The following CWF19L2 variants were observed in gnomAD, a reference collection of about 807,000 sequenced individuals.
CWF19L2 encodes the protein CWF19-like protein 2.
A neutral mutation model predicts 111.7 loss-of-function variants in CWF19L2; 98 were observed. The ratio of observed to expected loss-of-function variants is 0.88; its 90% CI spans 0.75 to 1.04. The LOEUF is 1.04. Ranked by LOEUF, CWF19L2 falls within the 50% of genes least tolerant of loss-of-function variation. The pLI, the probability that CWF19L2 is intolerant of heterozygous loss-of-function variation, is 0.00. For synonymous variants in CWF19L2, 351 were observed against 342.9 expected (o/e 1.02, Z -0.26); for missense variants, 1,101 against 1,051.4 (o/e 1.05, Z -0.65).
At chr11:107,333,911 C>G (rs915337951) in intron 16 of CWF19L2, among the ~76,000 whole-genome samples, 2 of 152,294 alleles carry the variant, frequency 1.3e-5, no homozygotes, top group Middle Eastern at 3.4e-3. Context: ...ATACTTTAGG[C>G]TTCGCAGGTC....
At chr11:107,347,588 C>T (rs993074321) in intron 14 of CWF19L2, among the ~76,000 whole-genome samples, 2 of 152,176 alleles carry the variant, frequency 1.3e-5, no homozygotes, top group African/African-American at 4.8e-5. Flanking sequence ...AACAATTTGG[C>T]TTTTCCTCTC....
At chr11:107,434,125 A>G (rs1434725096) in intron 6 of CWF19L2, among the ~76,000 whole-genome samples, 2 of 151,908 alleles carry the variant, frequency 1.3e-5, no homozygotes, top group African/African-American at 4.8e-5. Flanking sequence ...ACCAGGCTCA[A>G]GAAAATGAGT....
intron 3 of CWF19L2, among the ~76,000 whole-genome samples, chr11:107,453,168 C>T (rs1367624514): frequency 6.6e-6 from 1 of 152,182 alleles, no homozygotes; most frequent in Non-Finnish European, 1.5e-5. Context: ...TGATGCTCTA[C>T]ATCCTTGTTC....
chr11:107,354,076 A>G (rs1279466853), intron 12 of CWF19L2, among the ~76,000 whole-genome samples: 1 of 151,476 alleles, frequency 6.6e-6, no homozygotes, highest in Non-Finnish European at 1.5e-5. Context: ...AAAAATTCAC[A>G]TATACACTAT....
rs79910756 is a variant in CWF19L2, at chr11:107,457,755, C to A, written c.62G>T (p.Arg21Leu). Residue 21 changes from arginine to leucine, a missense_variant, in exon 1 of 18, where the codon CGG becomes CTG. Arg to Leu is a moderately radical substitution (Grantham distance 102). Transcript: ENST00000282251. The stretch of plus-strand genomic sequence containing the variant: ...CCTGGCATTCCGGGTCTGTTCTTTC[C>A]GCTCTTCGATACTCTTCGCACTTTC... ...RFESAKSIEE[R>L]KEQTRNARAE... 6.4e-7 allele frequency: 1 copy of A among 1,551,712 alleles called. No homozygotes were observed. Among genetic ancestry groups the A allele is most frequent in the Non-Finnish European group, 8.7e-7 (1 of 1,146,994 alleles).
chr11:107,329,618 T>C (rs111653426), intron 17 of CWF19L2, among the ~76,000 whole-genome samples: 6 of 152,176 alleles, frequency 3.9e-5, no homozygotes, highest in African/African-American at 1.2e-4. Flanking sequence ...TGTAAGCCCT[T>C]AATAAGTTTT....
At chr11:107,433,912 A>AC (rs1037777599) in intron 6 of CWF19L2, among the ~76,000 whole-genome samples, 163 bp from the exon 7 acceptor site, 2 of 114,366 alleles carry the variant, frequency 1.7e-5, no homozygotes, top group African/African-American at 6.1e-5. Context: ...ATATATATAT[A>AC]TATATATATT....
Position 107,357,085 on chromosome 11 carries a change from G to C in CWF19L2, c.1873-3349C>G, listed in dbSNP as rs571705087. Among the ~76,000 whole-genome samples, 37 of 128,782 alleles carry C rather than the reference G, an allele frequency of 2.9e-4. No homozygotes were observed. In the East Asian group the frequency reaches 8.4e-3, roughly 29 times the overall value. The allele number at this position is 128,782 out of a possible 152,430, so 84.5% of individuals were successfully genotyped here. On this transcript the variant is annotated intron_variant, in intron 12 of 17. Coordinates refer to ENST00000282251, the MANE Select transcript of CWF19L2 (RefSeq NM_152434.3). ...AACAAAAACAAAAACAAAAAACCGA[G>C]ACTAACAGAAACTAAGTAACTTAAC...
At chr11:107,385,563 G>C (rs576155779) in intron 12 of CWF19L2, among the ~76,000 whole-genome samples, 34 of 152,300 alleles carry the variant, frequency 2.2e-4, no homozygotes, top group African/African-American at 8.2e-4. Flanking sequence ...TGCCAAATCA[G>C]CTAATATTAA....
chr11:107,355,993 C>A (rs1482734685), intron 12 of CWF19L2, among the ~76,000 whole-genome samples: 2 of 152,134 alleles, frequency 1.3e-5, no homozygotes, highest in Non-Finnish European at 2.9e-5. Flanking sequence ...TAGCACAAGT[C>A]TCAATAAATT....
intron 8 of CWF19L2, among the ~76,000 whole-genome samples, chr11:107,428,127 G>A (rs1861406416): frequency 6.6e-6 from 1 of 151,956 alleles, no homozygotes; most frequent in Non-Finnish European, 1.5e-5. Context: ...ATCTCCAACA[G>A]GGCCAGCAAA....
chr11:107,411,545 T>TA (rs777121936), intron 10 of CWF19L2, among the ~76,000 whole-genome samples: 7 of 152,182 alleles, frequency 4.6e-5, no homozygotes, highest in Non-Finnish European at 7.4e-5. Context: ...TTTTATAATT[T>TA]AATTAAGCTA....
Position 107,457,773 on chromosome 11 carries a change from G to A in CWF19L2, c.44C>T (p.Ala15Val), listed in dbSNP as rs978741888. Residue 15 changes from alanine to valine, a missense_variant, in exon 1 of 18, where the codon GCG becomes GTG. Ala to Val is a moderately conservative substitution (Grantham distance 64, BLOSUM62 0). Transcript: ENST00000282251. ...TTCTTTCCGCTCTTCGATACTCTTC[G>A]CACTTTCAAATCTACCACTAGCAGC... ...MAAASGRFES[A>V]KSIEERKEQT... 1.7e-5 allele frequency: 27 copies of A among 1,551,670 alleles called. No individual in the cohort carries two copies. The East Asian group carries it at 2.9e-4, about 17-fold the overall frequency.
At chr11:107,371,533 C>A (rs1860510717) in intron 12 of CWF19L2, among the ~76,000 whole-genome samples, 1 of 136,470 alleles carries the variant, frequency 7.3e-6, no homozygotes, top group South Asian at 2.5e-4. Flanking sequence ...TAAAACATTG[C>A]TAGTTTTATT....
At position 107,429,085 on chromosome 11, in the gene CWF19L2, C is replaced by G. The variant is rs188530929; in HGVS notation, c.1147G>C (p.Gly383Arg). The change falls in exon 8 of 18, where the codon GGC becomes CGC. Residue 383 changes from glycine (G) to arginine (R), a missense_variant. Coordinates refer to ENST00000282251, the MANE Select transcript of CWF19L2 (RefSeq NM_152434.3). ...GAACTAAGTGGTTCAAATTTTCTGC[C>G]CTTGCTGTGAAATGACAGTTCTTCA... ...DDEELSFHSKGRKFEPLSSSS... is the reference protein window; with the variant it reads ...DDEELSFHSKRRKFEPLSSSS... The G allele has an allele frequency of 8.7e-6, 14 of 1,613,606 alleles. No individual in the cohort carries two copies. In the Admixed American group the frequency reaches 2.0e-4, roughly 23 times the overall value.
chr11:107,454,451 G>T lies in CWF19L2; in HGVS notation c.338C>A (p.Ser113Ter). 1.4e-6 allele frequency: 2 copies of T among 1,417,720 alleles called. No homozygotes were observed. Among genetic ancestry groups the T allele is most frequent in the South Asian group, 1.7e-5 (1 of 59,280 alleles). 87.8% of individuals were successfully genotyped at this position (1,417,720 alleles called of 1,614,324 possible). Reference sequence around the variant, plus strand: ...TGATTAATTTTAGTACATACTTACTGATGAGCTATCAGATGACTCATTGTT... The same window carrying T: ...TGATTAATTTTAGTACATACTTACTTATGAGCTATCAGATGACTCATTGTT... ...EKNNESSDSSSSSEDEWVEAV... is the reference protein window; with the variant it reads ...EKNNESSDSS The change falls in exon 3 of 18, where the codon TCA (serine) becomes TAA (stop). Residue 113 changes from serine to a stop codon, truncating the protein, a stop_gained and splice_region_variant. Transcript: ENST00000282251. LOFTEE classifies it high-confidence loss of function.
chr11:107,354,672 G>C (rs1290498599), intron 12 of CWF19L2, among the ~76,000 whole-genome samples: 1 of 152,132 alleles, frequency 6.6e-6, no homozygotes, highest in Non-Finnish European at 1.5e-5. Context: ...ATGAAACAAA[G>C]TTTATGTATA....
chr11:107,407,484 A>G (rs1204239843), intron 10 of CWF19L2, among the ~76,000 whole-genome samples: 4 of 152,100 alleles, frequency 2.6e-5, no homozygotes, highest in African/African-American at 7.2e-5. Flanking sequence ...ACTGAACAGT[A>G]TAAGGACTCA....
At chr11:107,449,305 C>A (rs920987049) in intron 3 of CWF19L2, among the ~76,000 whole-genome samples, 6 of 152,012 alleles carry the variant, frequency 3.9e-5, no homozygotes, top group Non-Finnish European at 8.8e-5. Flanking sequence ...AATACAATGT[C>A]TGCAAATCCA....
Sources: gnomAD v4.1 joint callset for allele counts (sites outside exome capture counted in the v4.1 genomes callset) on GRCh38, gnomAD v4.1.1 for gene constraint, MANE v1.5 for transcripts, NCBI Gene and HGNC (gene_info 2026-07-23, HGNC 2026-07-21) for gene names.